HECW1: variants seen among roughly 807,000 people sequenced by gnomAD.
HECW1 encodes the protein E3 ubiquitin-protein ligase HECW1.
In HECW1, 61 loss-of-function variants were observed where a neutral mutation model predicts 182.3. The observed-to-expected ratio is 0.33, with a 90% CI of 0.27 to 0.41. The LOEUF (loss-of-function observed/expected upper bound fraction) is 0.41, where lower values mean the gene tolerates loss of function less well. HECW1 is among the 10% of genes least tolerant of loss of function. The pLI is 1.00. For synonymous variants in HECW1, 859 were observed against 832.6 expected (o/e 1.03, Z -0.55); for missense variants, 1,739 against 2,108.9 (o/e 0.82, Z 3.44).
At chr7:43,474,928 T>C (rs1001225028) in intron 16 of HECW1, among the ~76,000 whole-genome samples, 1 of 152,100 alleles carries the variant, frequency 6.6e-6, no homozygotes, top group Admixed American at 6.6e-5. Context: ...GAACCTAGAA[T>C]AGATTTATAG....
chr7:43,176,772 A>G (rs373705177), intron 2 of HECW1, among the ~76,000 whole-genome samples: 145 of 152,338 alleles, frequency 9.5e-4, no homozygotes, highest in African/African-American at 3.3e-3. Flanking sequence ...TTTCCAACAC[A>G]TTGACTTTTG....
chr7:43,518,217 G>A (rs1015881782), intron 24 of HECW1, among the ~76,000 whole-genome samples: 12 of 152,162 alleles, frequency 7.9e-5, no homozygotes, highest in East Asian at 3.9e-4. Flanking sequence ...AAGAAAGGCC[G>A]GGCACAGTGG....
At chr7:43,180,970 C>T (rs556765656) in intron 2 of HECW1, among the ~76,000 whole-genome samples, 67 of 152,232 alleles carry the variant, frequency 4.4e-4, no homozygotes, top group Non-Finnish European at 9.9e-4. Context: ...AACTTTGTAA[C>T]ACATTGGCCG....
At chr7:43,331,359 G>C (rs920377816) in intron 5 of HECW1, among the ~76,000 whole-genome samples, 2 of 152,122 alleles carry the variant, frequency 1.3e-5, no homozygotes, top group African/African-American at 4.8e-5. Context: ...GGGAGGCTGA[G>C]GCGGGCGGAT....
chr7:43,334,770 G>A (rs996624911), intron 5 of HECW1, among the ~76,000 whole-genome samples: 4 of 152,186 alleles, frequency 2.6e-5, no homozygotes, highest in African/African-American at 9.7e-5. Context: ...CCTTAGAGGG[G>A]AGAAATTGTG....
At chr7:43,284,998 A>ATTTTTTTTTT (rs55642652) in intron 3 of HECW1, among the ~76,000 whole-genome samples, 1 of 145,398 alleles carries the variant, frequency 6.9e-6, no homozygotes, top group Non-Finnish European at 1.5e-5. Flanking sequence ...TTCTGTATGG[A>ATTTTTTTTTT]TTTTTTTTTT....
chr7:43,292,996 G>A lies in HECW1; in HGVS notation c.28-18767G>A, dbSNP rs527856401. ...TCCCATCACTTTGGGAGGCCAAGGCGGGTGGATCATGAGGTCAGGAGATCA... is the reference window on the plus strand; with the variant it reads ...TCCCATCACTTTGGGAGGCCAAGGCAGGTGGATCATGAGGTCAGGAGATCA... On this transcript the variant is annotated intron_variant, in intron 3 of 29. Transcript: ENST00000395891. Among the ~76,000 whole-genome samples the A allele has an allele frequency of 5.9e-5, 9 of 152,110 alleles. No homozygotes were observed. In the South Asian group the frequency reaches 1.5e-3, roughly 25 times the overall value.
intron 11 of HECW1, among the ~76,000 whole-genome samples, chr7:43,448,090 G>A (rs186609689): frequency 1.4e-4 from 22 of 152,122 alleles, no homozygotes; most frequent in Non-Finnish European, 2.5e-4. Context: ...AGCTGAGATC[G>A]TGCCATTGCA....
chr7:43,453,540 G>A (rs1584954054), intron 12 of HECW1, among the ~76,000 whole-genome samples: 1 of 152,186 alleles, frequency 6.6e-6, no homozygotes, highest in Non-Finnish European at 1.5e-5. Flanking sequence ...GAAATTGAAT[G>A]TGTGACTCTG....
intron 13 of HECW1, among the ~76,000 whole-genome samples, chr7:43,460,774 A>T (rs2152892345): frequency 6.6e-6 from 1 of 152,280 alleles, no homozygotes; most frequent in African/African-American, 2.4e-5. Context: ...GCCCTGAAAG[A>T]CTGAGAGACC....
intron 3 of HECW1, chr7:43,274,313 AGAAGAT>A (rs1802809921): frequency 9.9e-7 from 1 of 1,011,758 alleles, no homozygotes. Context: ...TCTCAGTTAA[AGAAGAT>A]GAAGATGACT....
At chr7:43,422,421 G>T (rs2076215046) in intron 8 of HECW1, among the ~76,000 whole-genome samples, 1 of 149,862 alleles carries the variant, frequency 6.7e-6, no homozygotes, top group African/African-American at 2.5e-5. Flanking sequence ...GGAGTGCAGT[G>T]GTACGATCTC....
intron 3 of HECW1, among the ~76,000 whole-genome samples, chr7:43,249,878 T>A (rs1298596587): frequency 6.6e-6 from 1 of 152,172 alleles, no homozygotes; most frequent in Non-Finnish European, 1.5e-5. Flanking sequence ...CATGCCTGTT[T>A]GCACTGTGCA....
At chr7:43,456,536 G>A in intron 13 of HECW1, 89 bp downstream of exon 13, 1 of 1,284,948 alleles carries the variant, frequency 7.8e-7, no homozygotes, top group Non-Finnish European at 1.1e-6. Flanking sequence ...TTTCTGCTCA[G>A]ACTGTATGAG....
chr7:43,273,796 A>C (rs1802728529), intron 3 of HECW1, among the ~76,000 whole-genome samples: 1 of 152,226 alleles, frequency 6.6e-6, no homozygotes, highest in African/African-American at 2.4e-5. Flanking sequence ...TCATATTTAC[A>C]ACAACGGTGG....
chr7:43,375,061 C>A (rs1382875307), intron 6 of HECW1, among the ~76,000 whole-genome samples: 2 of 152,102 alleles, frequency 1.3e-5, no homozygotes, highest in South Asian at 4.1e-4. Flanking sequence ...ATAAAATGTT[C>A]TTTTGAATCA....
At position 43,477,666 on chromosome 7, in the gene HECW1, A is replaced by G. The variant is rs549968440; in HGVS notation, c.3100-1944A>G. 2.6e-5 allele frequency among the ~76,000 whole-genome samples: 4 copies of G among 152,320 alleles called. No individual in the cohort carries two copies. The East Asian group carries it at 7.7e-4, about 29-fold the overall frequency. Reference sequence around the variant, plus strand: ...TGGGGAATTTTACTGCAAGTCACAAATATTGATTCACATGATATTAGTAGT... The same window carrying G: ...TGGGGAATTTTACTGCAAGTCACAAGTATTGATTCACATGATATTAGTAGT... On this transcript the variant is annotated intron_variant, in intron 16 of 29. Coordinates refer to ENST00000395891, the MANE Select transcript of HECW1 (RefSeq NM_015052.5).
At chr7:43,141,015 A>C (rs1406570232) in intron 2 of HECW1, among the ~76,000 whole-genome samples, 25 of 152,162 alleles carry the variant, frequency 1.6e-4, no homozygotes, top group Non-Finnish European at 1.5e-5. Context: ...CTTCCCTAGA[A>C]GCTCTGTGTC....
chr7:43,288,143 T>C (rs1804895588), intron 3 of HECW1, among the ~76,000 whole-genome samples: 1 of 152,292 alleles, frequency 6.6e-6, no homozygotes, highest in African/African-American at 2.4e-5. Context: ...CATCTCTTCT[T>C]TCTCTAGGGC....
Sources: gnomAD v4.1 joint callset for allele counts (sites outside exome capture counted in the v4.1 genomes callset) on GRCh38, gnomAD v4.1.1 for gene constraint, MANE v1.5 for transcripts, NCBI Gene and HGNC (gene_info 2026-07-23, HGNC 2026-07-21) for gene names.